The following SH3PXD2A variants were observed in gnomAD, a reference collection of about 807,000 sequenced individuals.
SH3PXD2A encodes SH3 and PX domains 2A, also known as SH3 and PX domain-containing protein 2A.
In SH3PXD2A, 32 loss-of-function variants were observed where a neutral mutation model predicts 115.2. That is an observed-to-expected ratio of 0.28 (90% CI 0.21 to 0.37). The LOEUF (loss-of-function observed/expected upper bound fraction) is 0.37. Among genes scored for constraint, SH3PXD2A ranks in the 10% least tolerant of loss-of-function variants. SH3PXD2A has a pLI of 1.00. For synonymous variants in SH3PXD2A, 610 were observed against 629.1 expected (o/e 0.97, Z 0.45); for missense variants, 1,328 against 1,498.7 (o/e 0.89, Z 1.88).
chr10:103,719,720 TC>T (rs2038156188), intron 5 of SH3PXD2A, among the ~76,000 whole-genome samples: 1 of 124,648 alleles, frequency 8.0e-6, no homozygotes. Flanking sequence ...TTTTTTTCTT[TC>T]TTTTTTTTTT....
At position 103,603,257 on chromosome 10, in the gene SH3PXD2A, C is replaced by T; in HGVS notation, c.1961G>A (p.Arg654Lys). The T allele has an allele frequency of 6.2e-7, 1 of 1,614,094 alleles. No homozygotes were observed. The highest frequency in any genetic ancestry group is 8.5e-7 in the Non-Finnish European group (1 of 1,180,020). Residue 654 changes from arginine to lysine, a missense_variant, in exon 15 of 15, where the codon AGG becomes AAG. Physicochemically the swap from Arg to Lys is conservative, Grantham distance 26. This residue lies in a region of SH3PXD2A where 574 missense variants were observed against 565.7 expected (regional missense o/e 1.01). Coordinates refer to ENST00000369774, the MANE Select transcript of SH3PXD2A (RefSeq NM_001394015.1). ...SPGSSSLSLT[R>K]KNSPKSGSPK... ...GGAGCCTGATTTGGGGGAGTTTTTC[C>T]TGGTCAGGGACAGCGAGGAGCTGCC...
At chr10:103,855,169 G>T in intron 1 of SH3PXD2A, 26 bp downstream of exon 1, 1 of 1,509,462 alleles carries the variant, frequency 6.6e-7, no homozygotes, top group Non-Finnish European at 8.9e-7. Flanking sequence ...GCCACCCCCA[G>T]CAGGGTCGGC....
At chr10:103,626,227 G>A (rs1312837323) in intron 9 of SH3PXD2A, among the ~76,000 whole-genome samples, 1 of 152,292 alleles carries the variant, frequency 6.6e-6, no homozygotes, top group African/African-American at 2.4e-5. Context: ...ACATTTAGGG[G>A]AAGAATGAAT....
chr10:103,696,798 G>C, intron 5 of SH3PXD2A, among the ~76,000 whole-genome samples: 1 of 152,202 alleles, frequency 6.6e-6, no homozygotes, highest in Non-Finnish European at 1.5e-5. Context: ...ATTCTCTGCA[G>C]CTGGTCCAGG....
chr10:103,616,868 G>A (rs1157404172), intron 11 of SH3PXD2A, among the ~76,000 whole-genome samples: 1 of 152,258 alleles, frequency 6.6e-6, no homozygotes, highest in African/African-American at 2.4e-5. Flanking sequence ...AGCCAAGGCC[G>A]GACACACAAA....
At chr10:103,766,808 T>C (rs571669859) in intron 3 of SH3PXD2A, among the ~76,000 whole-genome samples, 6 of 152,204 alleles carry the variant, frequency 3.9e-5, no homozygotes, top group Admixed American at 6.5e-5. Context: ...TTGGTCTCTC[T>C]GTGCTTTTTG....
chr10:103,843,219 T>C (rs1764204587), intron 1 of SH3PXD2A, among the ~76,000 whole-genome samples: 1 of 152,188 alleles, frequency 6.6e-6, no homozygotes, highest in Admixed American at 6.5e-5. Flanking sequence ...GGCAGGGCTG[T>C]GATTCATAGC....
intron 2 of SH3PXD2A, among the ~76,000 whole-genome samples, chr10:103,799,143 AG>A (rs1275442969): frequency 6.6e-6 from 1 of 152,182 alleles, no homozygotes; most frequent in Non-Finnish European, 1.5e-5. Flanking sequence ...ATGTGCCCCC[AG>A]TGCCTAAACT....
intron 5 of SH3PXD2A, among the ~76,000 whole-genome samples, chr10:103,702,596 C>CATGTGTGTGTGTGTGTGTGTGT (rs72182362): frequency 8.1e-5 from 12 of 147,448 alleles, no homozygotes; most frequent in African/African-American, 3.0e-4. Context: ...TGTGTGTGTG[C>CATGTGTGTGTGTGTGTGTGTGT]GTGTGTGTGT....
chr10:103,617,430 C>T (rs1268736546), intron 10 of SH3PXD2A, 116 bp from the exon 11 acceptor site: 6 of 729,510 alleles, frequency 8.2e-6, no homozygotes, highest in Non-Finnish European at 1.4e-5. Flanking sequence ...AGAAGGTCCA[C>T]TGGGTTGGCT....
In SH3PXD2A at chr10:103,854,791, G is replaced by T. The variant is rs1842925156; in HGVS notation, c.72+404C>A. Among the ~76,000 whole-genome samples the T allele has an allele frequency of 2.6e-5, 4 of 152,152 alleles. No homozygotes were observed. The South Asian group carries it at 6.2e-4, about 24-fold the overall frequency. On this transcript the variant is annotated intron_variant, in intron 1 of 14. Coordinates refer to ENST00000369774, the MANE Select transcript of SH3PXD2A (RefSeq NM_001394015.1). ...GGCGCGAGGCTTCCTTCTCCAGGGC[G>T]AGCTCTGAAAGCATCTCGGGCTGTG... is the stretch of plus-strand genomic sequence containing the variant.
At chr10:103,728,720 T>C (rs866139479) in intron 4 of SH3PXD2A, among the ~76,000 whole-genome samples, 16 of 152,190 alleles carry the variant, frequency 1.1e-4, no homozygotes, top group Non-Finnish European at 2.4e-4. Flanking sequence ...CATTTACTAC[T>C]ACTAACAATA....
chr10:103,691,758 C>A (rs540391296), intron 6 of SH3PXD2A, among the ~76,000 whole-genome samples: 67 of 152,114 alleles, frequency 4.4e-4, no homozygotes, highest in African/African-American at 1.5e-3. Flanking sequence ...ACACACACAC[C>A]CCCAGCCTAT....
At chr10:103,630,625 GAGAT>G (rs2036764427) in intron 8 of SH3PXD2A, among the ~76,000 whole-genome samples, 1 of 151,684 alleles carries the variant, frequency 6.6e-6, no homozygotes, top group Non-Finnish European at 1.5e-5. Flanking sequence ...GCAGAGTCAA[GAGAT>G]AGAGAGCCAG....
At chr10:103,739,791 CGGA>C (rs1220211590) in intron 3 of SH3PXD2A, among the ~76,000 whole-genome samples, 5 of 152,158 alleles carry the variant, frequency 3.3e-5, no homozygotes, top group African/African-American at 1.2e-4. Context: ...GTCCTGAAAG[CGGA>C]GAAGAAGCTG....
chr10:103,691,574 G>A (rs1478342422), intron 6 of SH3PXD2A, among the ~76,000 whole-genome samples: 1 of 152,034 alleles, frequency 6.6e-6, no homozygotes, highest in East Asian at 1.9e-4. Context: ...CTCACCCCAC[G>A]GTTCACAGGA....
intron 9 of SH3PXD2A, among the ~76,000 whole-genome samples, chr10:103,626,139 G>A (rs1296156783): frequency 2.6e-5 from 4 of 152,388 alleles, no homozygotes; most frequent in Middle Eastern, 6.8e-3. Context: ...GGCAGGGGCC[G>A]AGGCTCTGGT....
intron 10 of SH3PXD2A, among the ~76,000 whole-genome samples, chr10:103,621,802 C>T (rs1172739260): frequency 6.6e-6 from 1 of 152,106 alleles, no homozygotes; most frequent in African/African-American, 2.4e-5. Flanking sequence ...TCTGATCAGC[C>T]CATGTGCTGG....
intron 1 of SH3PXD2A, among the ~76,000 whole-genome samples, chr10:103,802,720 T>C (rs2057085095): frequency 6.6e-6 from 1 of 152,226 alleles, no homozygotes; most frequent in African/African-American, 2.4e-5. Flanking sequence ...GTAAGACCTC[T>C]GCCCCCTTTC....
Sources: gnomAD v4.1 joint callset for allele counts (sites outside exome capture counted in the v4.1 genomes callset) on GRCh38, gnomAD v4.1.1 for gene constraint, gnomAD v4.1.1 regional missense constraint, MANE v1.5 for transcripts, NCBI Gene and HGNC (gene_info 2026-07-23, HGNC 2026-07-21) for gene names.